GNAQ: variants seen among roughly 807,000 people sequenced by gnomAD.
The protein encoded by GNAQ is G protein subunit alpha q.
A neutral mutation model predicts 43.9 loss-of-function variants in GNAQ; 8 were observed. The ratio of observed to expected loss-of-function variants is 0.18; its 90% CI spans 0.11 to 0.33. GNAQ has a LOEUF of 0.33. Ranked by LOEUF, GNAQ falls within the 10% of genes least tolerant of loss-of-function variation. GNAQ has a pLI of 1.00. For synonymous variants in GNAQ, 155 were observed against 170.7 expected, an observed-to-expected ratio of 0.91 and a Z score of 0.71; for missense variants, 158 against 450.8, an observed-to-expected ratio of 0.35 and a Z score of 5.88.
At chr9:78,013,420 G>A (rs1054941899) in intron 1 of GNAQ, among the ~76,000 whole-genome samples, 2 of 151,072 alleles carry the variant, frequency 1.3e-5, no homozygotes, top group African/African-American at 2.4e-5. Flanking sequence ...CCATTAACTC[G>A]TTATTTAACA....
chr9:77,893,300 T>G (rs1478048614), intron 2 of GNAQ, among the ~76,000 whole-genome samples: 1 of 152,166 alleles, frequency 6.6e-6, no homozygotes, highest in Non-Finnish European at 1.5e-5. Flanking sequence ...TGAGCTCTGG[T>G]CATCCTCATT....
At chr9:77,948,519 G>C (rs988039323) in intron 1 of GNAQ, among the ~76,000 whole-genome samples, 3 of 152,292 alleles carry the variant, frequency 2.0e-5, no homozygotes, top group Admixed American at 6.5e-5. Flanking sequence ...GACACAGAGG[G>C]GGGGCAGATG....
chr9:77,949,552 T>C (rs1175989574), intron 1 of GNAQ, among the ~76,000 whole-genome samples: 1 of 151,650 alleles, frequency 6.6e-6, no homozygotes, highest in African/African-American at 2.4e-5. Context: ...TTGGTTGGAG[T>C]TAATGAGGGA....
At chr9:77,793,185 C>T (rs1011755124) in intron 5 of GNAQ, among the ~76,000 whole-genome samples, 4 of 152,096 alleles carry the variant, frequency 2.6e-5, no homozygotes, top group Non-Finnish European at 4.4e-5. Context: ...CTGACAGTAA[C>T]TGCCTTGTAT....
chr9:77,770,357 A>C (rs1327629384), intron 5 of GNAQ, among the ~76,000 whole-genome samples: 1 of 152,176 alleles, frequency 6.6e-6, no homozygotes, highest in Admixed American at 6.5e-5. Context: ...GGATTTGTGG[A>C]AAGACAGGTA....
chr9:77,756,416 T>C (rs1255104015), intron 5 of GNAQ, among the ~76,000 whole-genome samples: 1 of 152,226 alleles, frequency 6.6e-6, no homozygotes, highest in East Asian at 1.9e-4. Context: ...TCCATCCAGA[T>C]GTGTTTCTCC....
At chr9:77,841,956 T>C (rs1379317979) in intron 2 of GNAQ, among the ~76,000 whole-genome samples, 1 of 152,226 alleles carries the variant, frequency 6.6e-6, no homozygotes, top group African/African-American at 2.4e-5. Context: ...TATCACAAAA[T>C]TTTGTATGAT....
chr9:77,795,605 G>A (rs1341158206), intron 4 of GNAQ, among the ~76,000 whole-genome samples: 2 of 152,062 alleles, frequency 1.3e-5, no homozygotes, highest in African/African-American at 4.8e-5. Flanking sequence ...GTCACTACTC[G>A]TAAGCCTAGT....
At chr9:77,801,615 G>C (rs1587922673) in intron 3 of GNAQ, among the ~76,000 whole-genome samples, 1 of 152,272 alleles carries the variant, frequency 6.6e-6, no homozygotes, top group African/African-American at 2.4e-5. Context: ...CACTTTGCTT[G>C]GGGTGAAAGA....
At chr9:77,872,307 A>G (rs1324336934) in intron 2 of GNAQ, among the ~76,000 whole-genome samples, 1 of 152,182 alleles carries the variant, frequency 6.6e-6, no homozygotes, top group South Asian at 2.1e-4. Context: ...TTACCATTAA[A>G]CTACTAGGAT....
intron 1 of GNAQ, among the ~76,000 whole-genome samples, chr9:77,944,935 G>C (rs1822865405): frequency 1.3e-5 from 2 of 152,150 alleles, no homozygotes; most frequent in South Asian, 4.1e-4. Context: ...TGCTCATGTG[G>C]GCTGTCCCAT....
chr9:77,855,791 A>G (rs1827744897), intron 2 of GNAQ, among the ~76,000 whole-genome samples: 2 of 152,126 alleles, frequency 1.3e-5, no homozygotes, highest in Non-Finnish European at 2.9e-5. Flanking sequence ...GCCATTTGCT[A>G]TAAAAGTCAT....
At chr9:77,766,366 C>T (rs1229076936) in intron 5 of GNAQ, among the ~76,000 whole-genome samples, 1 of 152,132 alleles carries the variant, frequency 6.6e-6, no homozygotes, top group Non-Finnish European at 1.5e-5. Flanking sequence ...TAATAATTAG[C>T]TTGTAAAGTA....
At chr9:77,997,086 C>A (rs1823578541) in intron 1 of GNAQ, among the ~76,000 whole-genome samples, 1 of 152,188 alleles carries the variant, frequency 6.6e-6, no homozygotes, top group South Asian at 2.1e-4. Context: ...TTACTTTTAT[C>A]TTTTATCACA....
chr9:77,995,358 T>G (rs1823555883), intron 1 of GNAQ, among the ~76,000 whole-genome samples: 1 of 152,136 alleles, frequency 6.6e-6, no homozygotes, highest in Non-Finnish European at 1.5e-5. Flanking sequence ...AGAGTATTAA[T>G]GACCAAGAAT....
At chr9:77,816,719 T>C (rs1827023504) in intron 2 of GNAQ, among the ~76,000 whole-genome samples, 1 of 152,150 alleles carries the variant, frequency 6.6e-6, no homozygotes, top group Admixed American at 6.6e-5. Context: ...ACTGAAACAA[T>C]CCTGATTTTG....
At chr9:77,880,218 T>C (rs1030325852) in intron 2 of GNAQ, among the ~76,000 whole-genome samples, 1 of 152,128 alleles carries the variant, frequency 6.6e-6, no homozygotes, top group African/African-American at 2.4e-5. Context: ...TTCCCCACCA[T>C]AAAAAAGGAA....
intron 5 of GNAQ, among the ~76,000 whole-genome samples, chr9:77,743,131 G>A (rs1426583772): frequency 6.6e-6 from 1 of 152,124 alleles, no homozygotes; most frequent in Non-Finnish European, 1.5e-5. Context: ...AGGGGCATGA[G>A]CCTGTAGTCC....
At chr9:77,727,249 C>T (rs565996135) in intron 6 of GNAQ, among the ~76,000 whole-genome samples, 8 of 152,080 alleles carry the variant, frequency 5.3e-5, no homozygotes, top group Non-Finnish European at 8.8e-5. Flanking sequence ...AACTCCTGTG[C>T]TCAAGTGATC....
Sources: allele counts gnomAD v4.1 joint callset (sites outside exome capture counted in the v4.1 genomes callset), GRCh38; gene constraint gnomAD v4.1.1; transcripts MANE v1.5; gene names NCBI Gene and HGNC (gene_info 2026-07-23, HGNC 2026-07-21).